The following AACS variants were observed in gnomAD, a reference collection of about 807,000 sequenced individuals.
AACS encodes acetoacetate-CoA ligase.
AACS carries 69 observed loss-of-function variants against 83.1 expected under a neutral mutation model. The ratio of observed to expected loss-of-function variants is 0.83; its 90% CI spans 0.68 to 1.01. The LOEUF (loss-of-function observed/expected upper bound fraction) is 1.01. AACS is among the 50% of genes least tolerant of loss of function. The pLI is 0.00. For missense variants in AACS, 866 were observed against 882.2 expected (o/e 0.98, Z 0.23); for synonymous variants, 333 against 343.4 (o/e 0.97, Z 0.33).
chr12:125,076,988 G>A (rs34230493), intron 3 of AACS, among the ~76,000 whole-genome samples: 18,938 of 151,838 alleles, frequency 0.12, 1,275 homozygotes, highest in Middle Eastern at 0.25. Context: ...GCTCACTGCA[G>A]CCTCAATCTC....
At chr12:125,133,935 GT>G (rs1957362986) in intron 14 of AACS, 67 bp from the exon 15 acceptor site, 8 of 1,544,440 alleles carry the variant, frequency 5.2e-6, no homozygotes, top group Non-Finnish European at 7.1e-6. Flanking sequence ...TACACCCAGC[GT>G]CTGTCCAGGC....
intron 1 of AACS, among the ~76,000 whole-genome samples, chr12:125,067,594 C>T (rs571984704): frequency 7.9e-5 from 12 of 152,032 alleles, no homozygotes; most frequent in South Asian, 4.2e-4. Context: ...AGTGCGACGG[C>T]GCAATCTCGG....
intron 9 of AACS, 35 bp downstream of exon 9, chr12:125,114,592 C>CCA (rs746177522): frequency 5.1e-6 from 8 of 1,582,148 alleles, no homozygotes; most frequent in Non-Finnish European, 6.9e-6. Context: ...CTGTGCTATA[C>CCA]CACAATAGGG....
At chr12:125,122,827 C>G (rs918527696) in intron 10 of AACS, 3 of 152,164 alleles carry the variant, frequency 2.0e-5, no homozygotes, top group Non-Finnish European at 4.4e-5. Flanking sequence ...GTCTCGGGCA[C>G]CGGGTCCCAA....
At chr12:125,116,137 G>T (rs1957048453) in intron 9 of AACS, among the ~76,000 whole-genome samples, 1 of 151,730 alleles carries the variant, frequency 6.6e-6, no homozygotes, top group South Asian at 2.1e-4. Context: ...CCCCCACCAT[G>T]GACCCTTGTG....
chr12:125,122,970 T>C (rs1042710989), intron 10 of AACS: 2 of 152,306 alleles, frequency 1.3e-5, no homozygotes, highest in African/African-American at 2.4e-5. Flanking sequence ...TTGCATTTCC[T>C]AACCGTCTTA....
chr12:125,133,876 C>A, intron 14 of AACS, 127 bp from the exon 15 acceptor site: 1 of 905,640 alleles, frequency 1.1e-6, no homozygotes. Flanking sequence ...CCTCTGGCCC[C>A]CAGCCCCATG....
chr12:125,091,342 C>G, intron 4 of AACS, 84 bp from the exon 5 acceptor site: 1 of 1,400,928 alleles, frequency 7.1e-7, no homozygotes, highest in South Asian at 1.2e-5. Flanking sequence ...CCACTCTGAC[C>G]TTGGCTCTCA....
chr12:125,139,988 C>A (rs544021522), intron 17 of AACS: 4 of 152,286 alleles, frequency 2.6e-5, no homozygotes, highest in African/African-American at 7.2e-5. Flanking sequence ...TGAGGAAACC[C>A]AGAGAGATGA....
At position 125,110,553 on chromosome 12, in the gene AACS, C is replaced by T. The variant is rs111543479; in HGVS notation, c.915+3285C>T. On this transcript the variant is annotated intron_variant, in intron 8 of 17. Coordinates refer to ENST00000316519, the MANE Select transcript of AACS (RefSeq NM_023928.5). ...CCCTCACGCTGCTCTAGGCTCTCCT[C>T]TGGGCCAGCTCTTCAGCTCTCCCCA... Among the ~76,000 whole-genome samples the T allele has an allele frequency of 2.1e-4, 32 of 152,304 alleles. 1 individual carries two copies. The highest frequency in any genetic ancestry group is 6.7e-4 in the African/African-American group (28 of 41,574).
intron 16 of AACS, among the ~76,000 whole-genome samples, chr12:125,135,409 C>T (rs1957387735): frequency 6.6e-6 from 1 of 152,120 alleles, no homozygotes. Flanking sequence ...TGTGTCTACT[C>T]TTTATGGTTG....
In AACS at chr12:125,124,696, G is replaced by A. The variant is rs200498363; in HGVS notation, c.1122-9G>A. ...GTTTCTGGTGTTTTCTTTCCCGCCTGCACCCTAGCATCACTGTCCTGGTAA... is the reference window on the plus strand; with the variant it reads ...GTTTCTGGTGTTTTCTTTCCCGCCTACACCCTAGCATCACTGTCCTGGTAA... On this transcript the variant is annotated splice_polypyrimidine_tract_variant and intron_variant, in intron 10 of 17. Transcript: ENST00000316519. The A allele has an allele frequency of 5.0e-4, 806 of 1,613,624 alleles. 9 individuals carry two copies. The South Asian group carries it at 7.8e-3, about 16-fold the overall frequency.
Position 125,102,540 on chromosome 12 carries a change from C to T in AACS, c.571-139C>T, listed in dbSNP as rs78788129. 51 of 736,926 alleles carry T rather than the reference C, an allele frequency of 6.9e-5. No homozygotes were observed. In the African/African-American group the frequency reaches 7.6e-4, roughly 11 times the overall value. 45.6% of individuals were successfully genotyped at this position (736,926 alleles called of 1,614,324 possible). A position where few individuals can be genotyped will look rare whatever the true frequency, so the allele number is the denominator to read the frequency against. On this transcript the variant is annotated intron_variant, in intron 5 of 17. Coordinates refer to ENST00000316519, the MANE Select transcript of AACS (RefSeq NM_023928.5). ...AATGCAGTGGTGCAAGCATAGCTCA[C>T]TCCAACCTTGAACTCCTGGGCTCAA...
At chr12:125,083,156 G>A (rs1956241606) in intron 3 of AACS, among the ~76,000 whole-genome samples, 1 of 152,204 alleles carries the variant, frequency 6.6e-6, no homozygotes, top group African/African-American at 2.4e-5. Flanking sequence ...GGGGTTGCAG[G>A]CATCTGAAGG....
intron 16 of AACS, chr12:125,136,047 C>G (rs1428826749): frequency 6.6e-6 from 1 of 150,522 alleles, no homozygotes. Flanking sequence ...TGCCCGGCCA[C>G]CTGCCTCCTT....
At chr12:125,141,396 A>T (rs1482662467) in intron 17 of AACS, 1 of 152,454 alleles carries the variant, frequency 6.6e-6, no homozygotes, top group East Asian at 1.9e-4. Context: ...TAGAAAAATG[A>T]ACATGCTCGG....
chr12:125,141,953 G>C, intron 17 of AACS, 139 bp from the exon 18 acceptor site: 1 of 1,027,086 alleles, frequency 9.7e-7, no homozygotes, highest in South Asian at 1.5e-5. Flanking sequence ...GGTGGGAAGA[G>C]GGGCATCTTA....
chr12:125,118,595 G>C, intron 9 of AACS, 46 bp from the exon 10 acceptor site: 1 of 1,608,674 alleles, frequency 6.2e-7, no homozygotes. Flanking sequence ...GCGCTGGGGG[G>C]AGCTGCCTAG....
chr12:125,135,180 G>T (rs1957384627), intron 16 of AACS, among the ~76,000 whole-genome samples: 1 of 151,716 alleles, frequency 6.6e-6, no homozygotes, highest in Admixed American at 6.6e-5. Context: ...TGTCACCCAG[G>T]CTGGAGCGCG....
Sources: gnomAD v4.1 joint callset for allele counts (sites outside exome capture counted in the v4.1 genomes callset) on GRCh38, gnomAD v4.1.1 for gene constraint, MANE v1.5 for transcripts, NCBI Gene and HGNC (gene_info 2026-07-23, HGNC 2026-07-21) for gene names.